Variants in TMX4 observed in about 807,000 individuals in gnomAD.
The protein encoded by TMX4 is thioredoxin related transmembrane protein 4.
TMX4 carries 23 observed loss-of-function variants against 33.3 expected under a neutral mutation model. The observed-to-expected ratio is 0.69, with a 90% CI of 0.50 to 0.98. The LOEUF (loss-of-function observed/expected upper bound fraction) is 0.98. Ranked by LOEUF, TMX4 falls within the 50% of genes least tolerant of loss-of-function variation. TMX4 has a pLI of 0.00. For synonymous variants in TMX4, 164 were observed against 161.5 expected, an observed-to-expected ratio of 1.02 and a Z score of -0.12; for missense variants, 399 against 448.9, an observed-to-expected ratio of 0.89 and a Z score of 1.01.
intron 4 of TMX4, among the ~76,000 whole-genome samples, chr20:7,997,566 T>C (rs1375155116): frequency 6.6e-6 from 1 of 151,774 alleles, no homozygotes; most frequent in Non-Finnish European, 1.5e-5. Flanking sequence ...TTCCTCTTTC[T>C]TCTATGTGCC....
intron 6 of TMX4, among the ~76,000 whole-genome samples, chr20:7,984,748 A>G (rs1385541855): frequency 6.6e-6 from 1 of 152,078 alleles, no homozygotes; most frequent in Non-Finnish European, 1.5e-5. Context: ...CATCATCTTA[A>G]TTTATCCTAC....
In TMX4 at chr20:7,978,474, G is replaced by C. The variant is rs2050590593; in HGVS notation, c.*3777C>G. Reference sequence around the variant, plus strand: ...CCAAAGGTGTTTTTACAGGATGCAGGTTCTGTAGACTGACATATTCCCAAA... The same window carrying C: ...CCAAAGGTGTTTTTACAGGATGCAGCTTCTGTAGACTGACATATTCCCAAA... On this transcript the variant is annotated 3_prime_UTR_variant, in exon 8 of 8. Transcript: ENST00000246024. The C allele has an allele frequency of 6.6e-6, 1 of 152,152 alleles. No homozygotes were observed. Among genetic ancestry groups the C allele is most frequent in the African/African-American group, 2.4e-5 (1 of 41,442 alleles). 9.4% of individuals were successfully genotyped at this position (152,152 alleles called of 1,614,324 possible).
At chr20:7,997,673 G>A (rs978301566) in intron 4 of TMX4, among the ~76,000 whole-genome samples, 20 of 152,186 alleles carry the variant, frequency 1.3e-4, no homozygotes, top group South Asian at 2.1e-4. Context: ...CAAGACTTGC[G>A]TCAAAAATAA....
At chr20:8,014,651 G>A (rs1289430434) in intron 1 of TMX4, among the ~76,000 whole-genome samples, 2 of 152,202 alleles carry the variant, frequency 1.3e-5, no homozygotes, top group Non-Finnish European at 2.9e-5. Flanking sequence ...AAAGCATAGT[G>A]AGAAAGAATT....
chr20:7,991,711 A>G (rs1199089191), intron 5 of TMX4, among the ~76,000 whole-genome samples: 1 of 152,242 alleles, frequency 6.6e-6, no homozygotes, highest in Non-Finnish European at 1.5e-5. Flanking sequence ...AGGAAAAAGT[A>G]AAATAATGAA....
At chr20:7,987,071 T>C (rs1162069533) in intron 6 of TMX4, among the ~76,000 whole-genome samples, 1 of 151,226 alleles carries the variant, frequency 6.6e-6, no homozygotes, top group Non-Finnish European at 1.5e-5. Flanking sequence ...ATCTTCAAAA[T>C]ACTTAAGGGA....
rs1294737074 is a variant in TMX4 at position 7,978,559 on chromosome 20, T to G, written c.*3692A>C. ...TTTGGCCATAAAAAGTCAAATTTTG[T>G]TTTTTTTCCACTATCAAAAGCCAAC... On this transcript the variant is annotated 3_prime_UTR_variant, in exon 8 of 8. Transcript: ENST00000246024. 1 of 152,032 alleles carries G rather than the reference T, an allele frequency of 6.6e-6. No homozygotes were observed. The highest frequency in any genetic ancestry group is 6.6e-5 in the Admixed American group (1 of 15,242). 9.4% of individuals were successfully genotyped at this position (152,032 alleles called of 1,614,324 possible).
chr20:8,002,716 T>A (rs1002739031), intron 2 of TMX4, among the ~76,000 whole-genome samples: 1 of 152,226 alleles, frequency 6.6e-6, no homozygotes, highest in African/African-American at 2.4e-5. Flanking sequence ...TTACTTTTAA[T>A]AACATGGAAA....
Position 7,999,831 on chromosome 20 carries a change from C to T in TMX4, c.368G>A (p.Arg123His), listed in dbSNP as rs148146795. The change falls in exon 4 of 8, where the codon CGT (arginine) becomes CAT (histidine). Residue 123 changes from arginine (R) to histidine (H), a missense_variant. By Grantham distance (29) the Arg-to-His change is conservative (BLOSUM62 0). Coordinates refer to ENST00000246024, the MANE Select transcript of TMX4 (RefSeq NM_021156.4). ...CAGGTCTTCGAAGATTCCTGGGCCA[C>T]GATAACGGCGGAATATCCCATCCTT... is the stretch of plus-strand genomic sequence containing the variant. Reference protein sequence around the residue: ...HAKDGIFRRYRGPGIFEDLQN... With the variant: ...HAKDGIFRRYHGPGIFEDLQN... 2.4e-5 allele frequency: 38 copies of T among 1,613,156 alleles called. No individual in the cohort carries two copies. Among genetic ancestry groups the T allele is most frequent in the South Asian group, 1.2e-4 (11 of 90,986 alleles).
Position 8,019,507 on chromosome 20 carries a change from T to C in TMX4, c.107A>G (p.Gln36Arg). 1 of 1,500,342 alleles carries C rather than the reference T, an allele frequency of 6.7e-7. No homozygotes were observed. Among genetic ancestry groups the C allele is most frequent in the Non-Finnish European group, 8.9e-7 (1 of 1,125,324 alleles). 92.9% of individuals were successfully genotyped at this position (1,500,342 alleles called of 1,614,324 possible). The change falls in exon 1 of 8, where the codon CAG becomes CGG. Residue 36 changes from glutamine (Q) to arginine (R), a missense_variant. By Grantham distance (43) the Gln-to-Arg change is conservative. Coordinates refer to ENST00000246024, the MANE Select transcript of TMX4 (RefSeq NM_021156.4). ...GGCGGTCATGGGCTGGACCCGGCTCTGCTCCGGCGGCAGCGCGGCCTCCTC... is the reference window on the plus strand; with the variant it reads ...GGCGGTCATGGGCTGGACCCGGCTCCGCTCCGGCGGCAGCGCGGCCTCCTC... ...GPEEAALPPEQSRVQPMTASN... is the reference protein window; with the variant it reads ...GPEEAALPPERSRVQPMTASN...
intron 5 of TMX4, among the ~76,000 whole-genome samples, chr20:7,992,821 GATCTTCTAGAT>G (rs1177995098): frequency 3.3e-5 from 5 of 152,114 alleles, no homozygotes; most frequent in Non-Finnish European, 7.4e-5. Context: ...ATATATCTCT[GATCTTCTAGAT>G]ATCTTCTAGA....
At chr20:8,007,948 T>C (rs538876358) in intron 2 of TMX4, among the ~76,000 whole-genome samples, 1 of 152,374 alleles carries the variant, frequency 6.6e-6, no homozygotes, top group African/African-American at 2.4e-5. Flanking sequence ...TCCACTAGAA[T>C]GCAGCTCCAT....
In TMX4 at chr20:7,979,053, T is replaced by C. The variant is rs991360514; in HGVS notation, c.*3198A>G. 1 of 152,044 alleles carries C rather than the reference T, an allele frequency of 6.6e-6. No individual in the cohort carries two copies. Among genetic ancestry groups the C allele is most frequent in the African/African-American group, 2.4e-5 (1 of 41,412 alleles). The allele number at this position is 152,044 out of a possible 1,614,324, so 9.4% of individuals were successfully genotyped here. Reference sequence around the variant, plus strand: ...TGTGACTAAATAACTGATACTGCAATAGAGGGAAGCATGATTTTAATTTTT... The same window carrying C: ...TGTGACTAAATAACTGATACTGCAACAGAGGGAAGCATGATTTTAATTTTT... On this transcript the variant is annotated 3_prime_UTR_variant, in exon 8 of 8. Coordinates refer to ENST00000246024, the MANE Select transcript of TMX4 (RefSeq NM_021156.4).
intron 2 of TMX4, among the ~76,000 whole-genome samples, chr20:8,003,718 A>C (rs2050716520): frequency 6.6e-6 from 1 of 152,188 alleles, no homozygotes; most frequent in Admixed American, 6.5e-5. Context: ...TCTGGCTAAA[A>C]GGAATAACAG....
intron 1 of TMX4, chr20:8,019,037 T>C: frequency 2.2e-6 from 1 of 450,692 alleles, no homozygotes; most frequent in South Asian, 1.6e-5. Flanking sequence ...TACATATCTG[T>C]ATCTAAAAGC....
chr20:8,001,775 TAG>T (rs1479091676), intron 2 of TMX4, among the ~76,000 whole-genome samples: 2 of 152,224 alleles, frequency 1.3e-5, no homozygotes, highest in African/African-American at 2.4e-5. Flanking sequence ...GGATAGGATT[TAG>T]AGTCATGCAA....
rs751834392 is a variant in TMX4 at position 8,005,947 on chromosome 20, T to C, written c.292+4253A>G. ...CTTGCACTCATTCTCCAAGCCCACA[T>C]GTGATCCGATTCTTCTGGTACACCA... On this transcript the variant is annotated intron_variant, in intron 2 of 7. Coordinates refer to ENST00000246024, the MANE Select transcript of TMX4 (RefSeq NM_021156.4). Among the ~76,000 whole-genome samples, 64 of 152,170 alleles carry C rather than the reference T, an allele frequency of 4.2e-4. 2 individuals are homozygous for C. The highest frequency in any genetic ancestry group is 8.8e-5 in the Non-Finnish European group (6 of 68,028).
At chr20:7,999,418 G>C (rs1387312060) in intron 4 of TMX4, among the ~76,000 whole-genome samples, 1 of 152,138 alleles carries the variant, frequency 6.6e-6, no homozygotes, top group Non-Finnish European at 1.5e-5. Context: ...AAGGAAGAAA[G>C]AATGGTAAAT....
rs202200332 is a variant in TMX4, at chr20:7,999,732, G to C, written c.467C>G (p.Thr156Arg). The C allele has an allele frequency of 6.2e-7, 1 of 1,610,176 alleles. No homozygotes were observed. Among genetic ancestry groups the C allele is most frequent in the East Asian group, 2.2e-5 (1 of 44,810 alleles). The change falls in exon 4 of 8, where the codon ACG becomes AGG. Residue 156 changes from threonine (T) to arginine (R), a missense_variant and splice_region_variant. Physicochemically the swap from Thr to Arg is moderately conservative, Grantham distance 71. Coordinates refer to ENST00000246024, the MANE Select transcript of TMX4 (RefSeq NM_021156.4). ...LTGWKSPASL[T>R]MSGMAGLFSI... ...ACCTTGTCTTAAAAAATTGAGTTAC[G>C]TTAGAGAAGCCGGGGATTTCCAGCC...
Sources: allele counts gnomAD v4.1 joint callset (sites outside exome capture counted in the v4.1 genomes callset), GRCh38; gene constraint gnomAD v4.1.1; transcripts MANE v1.5; gene names NCBI Gene and HGNC (gene_info 2026-07-23, HGNC 2026-07-21).